The following AGBL4 variants were observed in gnomAD, a reference collection of about 807,000 sequenced individuals.
The protein encoded by AGBL4 is cytosolic carboxypeptidase 6.
In AGBL4, 58 loss-of-function variants were observed where a neutral mutation model predicts 66.4. The observed-to-expected ratio is 0.87, with a 90% CI of 0.71 to 1.09. AGBL4 has a LOEUF of 1.09. Among genes scored for constraint, AGBL4 ranks in the 50% least tolerant of loss-of-function variants. The probability of loss-of-function intolerance (pLI) is 0.00; values close to 1 mark genes in which losing one functional copy is unlikely to be tolerated. For missense variants in AGBL4, 579 were observed against 631.0 expected (o/e 0.92, Z 0.88); for synonymous variants, 234 against 222.9 (o/e 1.05, Z -0.44).
chr1:49,927,718 G>C (rs116497672), intron 1 of AGBL4, among the ~76,000 whole-genome samples: 1 of 151,698 alleles, frequency 6.6e-6, no homozygotes, highest in African/African-American at 2.4e-5. Context: ...GCACATCTAC[G>C]AGATCTAGAA....
intron 11 of AGBL4, among the ~76,000 whole-genome samples, chr1:48,571,871 C>G (rs1644569246): frequency 6.6e-6 from 1 of 152,150 alleles, no homozygotes; most frequent in Non-Finnish European, 1.5e-5. Flanking sequence ...TCCCTTAACT[C>G]AGTTCACAGT....
intron 1 of AGBL4, among the ~76,000 whole-genome samples, chr1:49,901,050 A>C (rs998122874): frequency 3.9e-4 from 60 of 152,340 alleles, no homozygotes; most frequent in Non-Finnish European, 1.0e-4. Context: ...ACAGTTAAGC[A>C]CAGAGTCAAA....
chr1:49,921,640 C>T (rs1378879440), intron 1 of AGBL4, among the ~76,000 whole-genome samples: 1 of 152,098 alleles, frequency 6.6e-6, no homozygotes, highest in Non-Finnish European at 1.5e-5. Flanking sequence ...TGGCTGAAGG[C>T]CAGAGAGCCC....
At chr1:49,331,918 G>T (rs1345243294) in intron 3 of AGBL4, among the ~76,000 whole-genome samples, 1 of 152,194 alleles carries the variant, frequency 6.6e-6, no homozygotes, top group Non-Finnish European at 1.5e-5. Context: ...ATCTCTCCCT[G>T]GGAAGGAGTT....
chr1:49,772,098 G>A (rs1229590661), intron 2 of AGBL4, among the ~76,000 whole-genome samples: 1 of 151,980 alleles, frequency 6.6e-6, no homozygotes, highest in East Asian at 1.9e-4. Flanking sequence ...GTGGTTGTCT[G>A]TGGTACTCAG....
chr1:49,359,295 G>C (rs1488622729), intron 3 of AGBL4, among the ~76,000 whole-genome samples: 1 of 152,180 alleles, frequency 6.6e-6, no homozygotes, highest in South Asian at 2.1e-4. Flanking sequence ...TAGCAGCTCA[G>C]ACACTTATCA....
intron 1 of AGBL4, among the ~76,000 whole-genome samples, chr1:49,890,531 T>C (rs1459524980): frequency 6.6e-6 from 1 of 152,202 alleles, no homozygotes; most frequent in African/African-American, 2.4e-5. Flanking sequence ...TTAATAAATA[T>C]ATAAGTAAAT....
At chr1:49,740,276 A>G (rs1431390657) in intron 2 of AGBL4, among the ~76,000 whole-genome samples, 6 of 152,178 alleles carry the variant, frequency 3.9e-5, no homozygotes, top group African/African-American at 1.4e-4. Flanking sequence ...CAGACTTTAA[A>G]CCAACAAAGA....
intron 2 of AGBL4, among the ~76,000 whole-genome samples, chr1:49,716,125 T>G (rs1648112313): frequency 6.6e-6 from 1 of 152,202 alleles, no homozygotes; most frequent in African/African-American, 2.4e-5. Flanking sequence ...AGTTAATTTT[T>G]GTATAAGGTG....
At chr1:49,707,367 C>CT (rs34368394) in intron 2 of AGBL4, among the ~76,000 whole-genome samples, 2,721 of 76,214 alleles carry the variant, frequency 0.036, 84 homozygotes, top group Non-Finnish European at 0.051. Flanking sequence ...GCAACCCCTG[C>CT]TTTTTTTTTT....
At chr1:48,979,401 T>G (rs189232065) in intron 5 of AGBL4, among the ~76,000 whole-genome samples, 1 of 152,232 alleles carries the variant, frequency 6.6e-6, no homozygotes, top group African/African-American at 2.4e-5. Context: ...AACAGACACA[T>G]TCCCTACCCT....
At chr1:48,599,155 TATG>T (rs1390503522) in intron 9 of AGBL4, among the ~76,000 whole-genome samples, 4 of 152,244 alleles carry the variant, frequency 2.6e-5, no homozygotes, top group Non-Finnish European at 5.9e-5. Context: ...TGTCATCTCC[TATG>T]ATAACAATCC....
At chr1:49,066,397 A>C (rs1571361436) in intron 4 of AGBL4, among the ~76,000 whole-genome samples, 1 of 152,264 alleles carries the variant, frequency 6.6e-6, no homozygotes, top group East Asian at 1.9e-4. Flanking sequence ...ACTAAAATAC[A>C]AAAAATTAGC....
intron 5 of AGBL4, among the ~76,000 whole-genome samples, chr1:48,927,764 C>A (rs1654712706): frequency 6.6e-6 from 1 of 152,214 alleles, no homozygotes; most frequent in Admixed American, 6.5e-5. Flanking sequence ...ATCCAACTAA[C>A]TCTAGTGTCT....
At chr1:48,616,638 G>A (rs1645323504) in intron 9 of AGBL4, among the ~76,000 whole-genome samples, 1 of 152,200 alleles carries the variant, frequency 6.6e-6, no homozygotes, top group Admixed American at 6.5e-5. Flanking sequence ...AAAGGTGTGA[G>A]CATTAAGTGA....
chr1:49,234,433 A>G (rs1298767065), intron 4 of AGBL4, among the ~76,000 whole-genome samples: 1 of 152,204 alleles, frequency 6.6e-6, no homozygotes, highest in East Asian at 1.9e-4. Context: ...CTAGGGAAAA[A>G]GGAGAAGTGA....
At chr1:48,596,197 A>G (rs919187190) in intron 9 of AGBL4, among the ~76,000 whole-genome samples, 7 of 152,148 alleles carry the variant, frequency 4.6e-5, no homozygotes, top group African/African-American at 1.2e-4. Context: ...TAGCAAAGCA[A>G]TTACTTGATT....
At chr1:48,866,029 C>G (rs1648036101) in intron 6 of AGBL4, among the ~76,000 whole-genome samples, 1 of 152,110 alleles carries the variant, frequency 6.6e-6, no homozygotes, top group Non-Finnish European at 1.5e-5. Context: ...TATCTTTATT[C>G]TTCAGAAGTC....
At chr1:49,260,248 C>G (rs1652994265) in intron 3 of AGBL4, among the ~76,000 whole-genome samples, 2 of 150,426 alleles carry the variant, frequency 1.3e-5, no homozygotes, top group African/African-American at 4.9e-5. Flanking sequence ...ATTAAAAGAA[C>G]TAGAAAAGCA....
Sources: gnomAD v4.1 joint callset for allele counts (sites outside exome capture counted in the v4.1 genomes callset) on GRCh38, gnomAD v4.1.1 for gene constraint, MANE v1.5 for transcripts, NCBI Gene and HGNC (gene_info 2026-07-23, HGNC 2026-07-21) for gene names.